Variants in ANKRD27 observed in about 807,000 individuals in gnomAD.
ANKRD27 encodes the protein ankyrin repeat domain 27.
In ANKRD27, 112 loss-of-function variants were observed where a neutral mutation model predicts 129.7. The observed-to-expected ratio is 0.86, with a 90% confidence interval of 0.74 to 1.01. The LOEUF is 1.01. Ranked by LOEUF, ANKRD27 falls within the 50% of genes least tolerant of loss-of-function variation. The pLI, the probability that ANKRD27 is intolerant of heterozygous loss-of-function variation, is 0.00. For missense variants in ANKRD27, 1,258 were observed against 1,300.5 expected (o/e 0.97, Z 0.50); for synonymous variants, 516 against 511.2 (o/e 1.01, Z -0.13).
At chr19:32,628,045 C>T in intron 15 of ANKRD27, 38 bp downstream of exon 15, 3 of 1,594,126 alleles carry the variant, frequency 1.9e-6, no homozygotes, top group Non-Finnish European at 2.6e-6. Flanking sequence ...CATCCCTTTG[C>T]TGTGACAGCC....
intron 4 of ANKRD27, among the ~76,000 whole-genome samples, chr19:32,645,916 G>C (rs746252721): frequency 4.6e-5 from 7 of 151,902 alleles, no homozygotes; most frequent in Non-Finnish European, 1.0e-4. Context: ...GATTACAAGC[G>C]TGAGCCACCA....
intron 23 of ANKRD27, 56 bp from the exon 24 acceptor site, chr19:32,606,010 C>G (rs1163873454): frequency 6.7e-7 from 1 of 1,492,704 alleles, no homozygotes; most frequent in East Asian, 2.5e-5. Flanking sequence ...CATTTCCTGC[C>G]AGAGAAAAAT....
intron 20 of ANKRD27, 146 bp downstream of exon 20, chr19:32,619,114 C>G: frequency 8.7e-7 from 1 of 1,152,438 alleles, no homozygotes; most frequent in Non-Finnish European, 1.2e-6. Context: ...AGGCACCAAC[C>G]TCGGCCACCA....
Position 32,620,744 on chromosome 19 carries a change from G to A in ANKRD27, c.1828-1191C>T, listed in dbSNP as rs148950903. ...TGTATAAAAAATACAAAAATTAGCC[G>A]GGTGTGGTGGCGCATGCCTGTAGTC... On this transcript the variant is annotated intron_variant, in intron 18 of 28. Coordinates refer to ENST00000306065, the MANE Select transcript of ANKRD27 (RefSeq NM_032139.3). Among the ~76,000 whole-genome samples, 562 of 152,018 alleles carry A rather than the reference G, an allele frequency of 3.7e-3. 4 individuals carry two copies. The highest frequency in any genetic ancestry group is 4.0e-3 in the Non-Finnish European group (275 of 67,978).
intron 22 of ANKRD27, among the ~76,000 whole-genome samples, chr19:32,613,778 G>A (rs1971869375): frequency 6.9e-6 from 1 of 145,530 alleles, no homozygotes; most frequent in Non-Finnish European, 1.5e-5. Flanking sequence ...GCACAATCTC[G>A]GCTCACTGCA....
At chr19:32,639,867 T>C (rs1967162799) in intron 11 of ANKRD27, among the ~76,000 whole-genome samples, 1 of 152,182 alleles carries the variant, frequency 6.6e-6, no homozygotes, top group African/African-American at 2.4e-5. Context: ...AGTGGATGGA[T>C]GAAGCAAGGG....
At position 32,598,324 on chromosome 19, in the gene ANKRD27, A is replaced by C. The variant is rs371160650; in HGVS notation, c.2974T>G (p.Ser992Ala). ...RQNNLPAQSG[S>A]HAAEKGNSDW... ...CTGTTGCCTTTCTCAGCAGCATGAG[A>C]TCCACTCTGAGCTGGCAGGTTATTC... The change falls in exon 29 of 29, where the codon TCT becomes GCT. Residue 992 changes from serine (S) to alanine (A), a missense_variant. Coordinates refer to ENST00000306065, the MANE Select transcript of ANKRD27 (RefSeq NM_032139.3). 6 of 1,613,964 alleles carry C rather than the reference A, an allele frequency of 3.7e-6. No individual in the cohort carries two copies. Among genetic ancestry groups the C allele is most frequent in the Non-Finnish European group, 5.1e-6 (6 of 1,180,026 alleles).
At position 32,619,346 on chromosome 19, in the gene ANKRD27, A is replaced by C; in HGVS notation, c.1921T>G (p.Ser641Ala). Residue 641 changes from serine to alanine, a missense_variant, in exon 20 of 29, where the codon TCC (serine) becomes GCC (alanine). Physicochemically the swap from Ser to Ala is moderately conservative, Grantham distance 99. Coordinates refer to ENST00000306065, the MANE Select transcript of ANKRD27 (RefSeq NM_032139.3). ...PVQSPQRSVD[S>A]ISQESSTSSF... ...GAAGTGGAGGACTCTTGGCTGATGG[A>C]GTCCACGGAGCGCTGCGGGGACTGC... is the stretch of plus-strand genomic sequence containing the variant. 1 of 1,613,776 alleles carries C rather than the reference A, an allele frequency of 6.2e-7. No individual in the cohort carries two copies. Among genetic ancestry groups the C allele is most frequent in the South Asian group, 1.1e-5 (1 of 91,060 alleles).
At chr19:32,650,750 A>ATT (rs144322999) in intron 2 of ANKRD27, among the ~76,000 whole-genome samples, 65,431 of 124,984 alleles carry the variant, frequency 0.52, 18,409 homozygotes, top group Non-Finnish European at 0.63. Flanking sequence ...TTACGCTTTT[A>ATT]TTTATTTTTT....
chr19:32,619,609 ACAGTGCCAT>A, intron 18 of ANKRD27, 56 bp from the exon 19 acceptor site: 3 of 1,598,870 alleles, frequency 1.9e-6, no homozygotes, highest in Non-Finnish European at 2.6e-6. Flanking sequence ...TCGTCTCAGC[ACAGTGCCAT>A]CACCCACACG....
Position 32,649,781 on chromosome 19 carries a change from G to C in ANKRD27, c.114C>G (p.Pro38=). 6.2e-7 allele frequency: 1 copy of C among 1,613,312 alleles called. No homozygotes were observed. The highest frequency in any genetic ancestry group is 1.1e-5 in the South Asian group (1 of 91,048). ...TGCTGCTCGACAGGCTTCCTTTGCAGGGTACTAAGACCTGGAAAAAACAAT... is the reference window on the plus strand; with the variant it reads ...TGCTGCTCGACAGGCTTCCTTTGCACGGTACTAAGACCTGGAAAAAACAAT... ...VAQIHGIVLV[P]CKGSLSSSIQ... is the part of the protein sequence containing the mutation. The change falls in exon 3 of 29, where the codon CCC becomes CCG. Residue 38 remains proline (P), a synonymous_variant. Transcript: ENST00000306065.
At chr19:32,605,114 G>A (rs1021969261) in intron 24 of ANKRD27, among the ~76,000 whole-genome samples, 5 of 151,962 alleles carry the variant, frequency 3.3e-5, no homozygotes, top group African/African-American at 9.7e-5. Context: ...GCTTACACCC[G>A]TAATCCAGCA....
At chr19:32,622,279 C>T (rs759898572) in intron 18 of ANKRD27, 143 bp downstream of exon 18, 89 of 838,576 alleles carry the variant, frequency 1.1e-4, no homozygotes, top group East Asian at 2.2e-4. Flanking sequence ...TTAATGATGA[C>T]GTCCCACATG....
rs1972027328 is a variant in ANKRD27 at position 32,622,507 on chromosome 19, AT to A, written c.1741del (p.Ile581Ter). On this transcript the variant is annotated frameshift_variant, in exon 18 of 29. Transcript: ENST00000306065. LOFTEE classifies it high-confidence loss of function. ...CGCTCCGTTCTGCAGCAATGTCTCT[AT>A]GACGCCTTGGTAGCCCCAGCGGGCA... is the stretch of plus-strand genomic sequence containing the variant. The part of the protein sequence containing the change: ...IAARWGYQGV[I>X]ETLLQNGAST... 6.2e-7 allele frequency: 1 copy of A among 1,613,864 alleles called. No homozygotes were observed. The highest frequency in any genetic ancestry group is 8.5e-7 in the Non-Finnish European group (1 of 1,180,022).
Position 32,658,909 on chromosome 19 carries a change from C to G in ANKRD27, c.102+5G>C. 6.2e-7 allele frequency: 1 copy of G among 1,613,488 alleles called. No individual in the cohort carries two copies. The highest frequency in any genetic ancestry group is 8.5e-7 in the Non-Finnish European group (1 of 1,179,486). On this transcript the variant is annotated splice_donor_5th_base_variant and intron_variant, in intron 2 of 28. Transcript: ENST00000306065. Reference sequence around the variant, plus strand: ...CAGGACAACCCCGAGGCTCAGTGCACTTACAATGCCATGGATTTGGGCCAC... The same window carrying G: ...CAGGACAACCCCGAGGCTCAGTGCAGTTACAATGCCATGGATTTGGGCCAC...
At chr19:32,662,749 A>C (rs905383703) in intron 1 of ANKRD27, among the ~76,000 whole-genome samples, 4 of 151,768 alleles carry the variant, frequency 2.6e-5, no homozygotes, top group African/African-American at 9.7e-5. Flanking sequence ...CTCTTTAAAA[A>C]ACAAAAAAAA....
chr19:32,649,771 T>A lies in ANKRD27; in HGVS notation c.124A>T (p.Ser42Cys). The change falls in exon 3 of 29, where the codon AGC (serine) becomes TGC (cysteine). Residue 42 changes from serine to cysteine, a missense_variant. By Grantham distance (112) the Ser-to-Cys change is moderately radical. Transcript: ENST00000306065. ...HGIVLVPCKG[S>C]LSSSIQSTCQ... ...GTAGACTGGATGCTGCTCGACAGGCTTCCTTTGCAGGGTACTAAGACCTGG... is the reference window on the plus strand; with the variant it reads ...GTAGACTGGATGCTGCTCGACAGGCATCCTTTGCAGGGTACTAAGACCTGG... 1 of 1,613,932 alleles carries A rather than the reference T, an allele frequency of 6.2e-7. No homozygotes were observed.
intron 14 of ANKRD27, 86 bp from the exon 15 acceptor site, chr19:32,628,251 A>G: frequency 8.6e-7 from 1 of 1,157,338 alleles, no homozygotes; most frequent in Admixed American, 1.9e-5. Flanking sequence ...CAGGTACCAC[A>G]GACAGAAGGC....
intron 1 of ANKRD27, among the ~76,000 whole-genome samples, chr19:32,665,497 T>C (rs1967735749): frequency 1.3e-5 from 2 of 151,618 alleles, no homozygotes; most frequent in East Asian, 1.9e-4. Context: ...TCTTGCTCTG[T>C]CACCCAGGCT....
Sources: allele counts gnomAD v4.1 joint callset (sites outside exome capture counted in the v4.1 genomes callset), GRCh38; gene constraint gnomAD v4.1.1; transcripts MANE v1.5; gene names NCBI Gene and HGNC (gene_info 2026-07-23, HGNC 2026-07-21).